The following MLPH variants were observed in gnomAD, a reference collection of about 807,000 sequenced individuals.
MLPH encodes the protein exophilin-3.
MLPH carries 51 observed loss-of-function variants against 72.1 expected under a neutral mutation model. The ratio of observed to expected loss-of-function variants is 0.71; its 90% CI spans 0.56 to 0.89. The LOEUF (loss-of-function observed/expected upper bound fraction) is 0.89, where lower values mean the gene tolerates loss of function less well. Among genes scored for constraint, MLPH ranks in the 40% least tolerant of loss-of-function variants. MLPH has a pLI of 0.00. For synonymous variants in MLPH, 301 were observed against 310.1 expected (o/e 0.97, Z 0.31); for missense variants, 743 against 759.9 (o/e 0.98, Z 0.26).
chr2:237,545,226 GGTGAGTGGGGC>G (rs1369914128), intron 12 of MLPH, among the ~76,000 whole-genome samples: 18 of 145,886 alleles, frequency 1.2e-4, no homozygotes, highest in African/African-American at 4.6e-4. Flanking sequence ...TGGGGACAGT[GGTGAGTGGGGC>G]ACAGTGGTGA....
At chr2:237,492,816 A>T (rs1261574710) in intron 1 of MLPH, among the ~76,000 whole-genome samples, 1 of 152,200 alleles carries the variant, frequency 6.6e-6, no homozygotes, top group Non-Finnish European at 1.5e-5. Flanking sequence ...CGCCCAGAGG[A>T]TGGTGAAACC....
intron 4 of MLPH, among the ~76,000 whole-genome samples, chr2:237,516,830 A>AGGATGGATGGAT (rs201705751): frequency 8.7e-6 from 1 of 115,180 alleles, no homozygotes; most frequent in Non-Finnish European, 1.9e-5. Context: ...GATGGATGGT[A>AGGATGGATGGAT]GGATGGATGG....
intron 13 of MLPH, among the ~76,000 whole-genome samples, chr2:237,547,258 G>A (rs1677365295): frequency 6.6e-6 from 1 of 152,276 alleles, no homozygotes; most frequent in South Asian, 2.1e-4. Flanking sequence ...AAATGGCACA[G>A]GGACTCGGGG....
intron 9 of MLPH, among the ~76,000 whole-genome samples, chr2:237,537,024 GGCC>G (rs2080545954): frequency 6.6e-6 from 1 of 152,248 alleles, no homozygotes; most frequent in African/African-American, 2.4e-5. Context: ...CTCGCGGAAT[GGCC>G]CTCTGGGCCA....
At chr2:237,507,056 T>C (rs2079790062) in intron 2 of MLPH, among the ~76,000 whole-genome samples, 1 of 142,658 alleles carries the variant, frequency 7.0e-6, no homozygotes, top group Non-Finnish European at 1.5e-5. Flanking sequence ...TTTTTCTTTT[T>C]TTTTTCTTTT....
At chr2:237,493,651 A>G in intron 2 of MLPH, 115 bp downstream of exon 2, 2 of 764,090 alleles carry the variant, frequency 2.6e-6, no homozygotes, top group South Asian at 2.8e-5. Flanking sequence ...AGAGTGATGG[A>G]CAGGAAGCCA....
chr2:237,514,206 G>T (rs943262703), intron 4 of MLPH, among the ~76,000 whole-genome samples: 1 of 152,052 alleles, frequency 6.6e-6, no homozygotes, highest in African/African-American at 2.4e-5. Context: ...ATGCTCTCTG[G>T]AGTGAGGGTC....
rs533542205 is a variant in MLPH at position 237,505,482 on chromosome 2, C to T, written c.111-5092C>T. Among the ~76,000 whole-genome samples the T allele has an allele frequency of 3.3e-5, 5 of 152,302 alleles. No individual in the cohort carries two copies. In the South Asian group the frequency reaches 1.0e-3, roughly 32 times the overall value. On this transcript the variant is annotated intron_variant, in intron 2 of 15. Transcript: ENST00000264605. The surrounding 1 kb of genome is among the most constrained non-coding windows in gnomAD (Gnocchi z 4.5). ...AGGACCCCTCATGCAGGCTCTTCCC[C>T]CGCCTGTGTGCTGGACCTTGGGGAT...
chr2:237,523,449 C>A (rs2080232965), intron 6 of MLPH, among the ~76,000 whole-genome samples: 1 of 152,138 alleles, frequency 6.6e-6, no homozygotes, highest in Non-Finnish European at 1.5e-5. Context: ...CCTTTAAAAG[C>A]TGAGAAAGCC....
Position 237,510,582 on chromosome 2 carries a change from A to C in MLPH, c.119A>C (p.Lys40Thr). The C allele has an allele frequency of 1.2e-6, 2 of 1,613,206 alleles. No individual in the cohort carries two copies. Among genetic ancestry groups the C allele is most frequent in the Non-Finnish European group, 8.5e-7 (1 of 1,180,030 alleles). The change falls in exon 3 of 16, where the codon AAG becomes ACG. Residue 40 changes from lysine to threonine, a missense_variant. Physicochemically the swap from Lys to Thr is moderately conservative, Grantham distance 78 (BLOSUM62 -1). Transcript: ENST00000264605. This position sits in a 1 kb window ranked among gnomAD's most constrained non-coding sequence, Gnocchi z 4.4. Reference sequence around the variant, plus strand: ...TCTGATATTTTCCCAAGGGCGTTGAAGGGCAAGATTAAGAAGGAAAGCTCC... The same window carrying C: ...TCTGATATTTTCCCAAGGGCGTTGACGGGCAAGATTAAGAAGGAAAGCTCC... ...RKEEERLEAL[K>T]GKIKKESSKR...
In MLPH at chr2:237,527,369, C is replaced by T. The variant is rs1019575559; in HGVS notation, c.881-8C>T. The T allele has an allele frequency of 6.2e-7, 1 of 1,614,190 alleles. No individual in the cohort carries two copies. Among genetic ancestry groups the T allele is most frequent in the Non-Finnish European group, 8.5e-7 (1 of 1,180,042 alleles). ...TGCAAGTAATTCAAACCCACTCTCG[C>T]TCTGAAGGGTCGAATGTCATCAGGA... On this transcript the variant is annotated splice_region_variant and splice_polypyrimidine_tract_variant and intron_variant, in intron 7 of 15. Coordinates refer to ENST00000264605, the MANE Select transcript of MLPH (RefSeq NM_024101.7).
chr2:237,510,017 C>G lies in MLPH; in HGVS notation c.111-557C>G, dbSNP rs1033991049. 2 of 166,568 alleles carry G rather than the reference C, an allele frequency of 1.2e-5. No homozygotes were observed. Among genetic ancestry groups the G allele is most frequent in the Admixed American group, 1.1e-4 (2 of 18,126 alleles). The allele number at this position is 166,568 out of a possible 1,614,324, so 10.3% of individuals were successfully genotyped here. On this transcript the variant is annotated intron_variant, in intron 2 of 15. Coordinates refer to ENST00000264605, the MANE Select transcript of MLPH (RefSeq NM_024101.7). This position sits in a 1 kb window ranked among gnomAD's most constrained non-coding sequence, Gnocchi z 4.4. Reference sequence around the variant, plus strand: ...ACACTTTCCAATCAGTTCAACTTGGCAGGTTCACCAGGAAGCTGTGTTATT... The same window carrying G: ...ACACTTTCCAATCAGTTCAACTTGGGAGGTTCACCAGGAAGCTGTGTTATT...
chr2:237,499,523 G>C (rs567519843), intron 2 of MLPH, among the ~76,000 whole-genome samples: 1 of 152,196 alleles, frequency 6.6e-6, no homozygotes, highest in South Asian at 2.1e-4. Context: ...GTCATCATAA[G>C]GAGAGAATCA....
In MLPH at chr2:237,552,249, C is replaced by T. The variant is rs760107117; in HGVS notation, c.1676-88C>T. The T allele has an allele frequency of 6.7e-5, 71 of 1,062,270 alleles. No individual in the cohort carries two copies. The African/African-American group carries it at 7.1e-4, about 11-fold the overall frequency. The allele number at this position is 1,062,270 out of a possible 1,614,324, so 65.8% of individuals were successfully genotyped here. On this transcript the variant is annotated intron_variant, in intron 14 of 15. Coordinates refer to ENST00000264605, the MANE Select transcript of MLPH (RefSeq NM_024101.7). ...AGGGGATATGTCCATTTTTTTCTAC[C>T]TTTTAAATTTCTGAGGAGGCCAAGG...
chr2:237,500,438 A>T (rs2079622709), intron 2 of MLPH, among the ~76,000 whole-genome samples: 1 of 152,334 alleles, frequency 6.6e-6, no homozygotes, highest in South Asian at 2.1e-4. Context: ...GGGGAAAAAA[A>T]GTTTTAATCG....
Position 237,493,539 on chromosome 2 carries a change from G to T in MLPH, c.110+3G>T, listed in dbSNP as rs1284977442. 3 of 1,611,230 alleles carry T rather than the reference G, an allele frequency of 1.9e-6. No homozygotes were observed. The highest frequency in any genetic ancestry group is 1.3e-5 in the African/African-American group (1 of 74,868). On this transcript the variant is annotated splice_donor_region_variant and intron_variant, in intron 2 of 15. Transcript: ENST00000264605. ...AGGAAAGAAGAGGAACGGCTAGAGT[G>T]AGTGTGCCGTGCTGAGCCCACGGAG... is the stretch of plus-strand genomic sequence containing the variant.
rs143598060 is a variant in MLPH, at chr2:237,500,635, T to A, written c.110+7099T>A. 5.3e-3 allele frequency among the ~76,000 whole-genome samples: 807 copies of A among 152,232 alleles called. 8 individuals carry two copies. Among genetic ancestry groups the A allele is most frequent in the East Asian group, 0.04 (205 of 5,178 alleles). On this transcript the variant is annotated intron_variant, in intron 2 of 15. Coordinates refer to ENST00000264605, the MANE Select transcript of MLPH (RefSeq NM_024101.7). ...CGACACTGCGGCCAAAGTGTTCCACTGACATCTCTGTCCCAGCATGTCCAA... is the reference window on the plus strand; with the variant it reads ...CGACACTGCGGCCAAAGTGTTCCACAGACATCTCTGTCCCAGCATGTCCAA...
Position 237,523,252 on chromosome 2 carries a change from G to A in MLPH, c.676-2349G>A, listed in dbSNP as rs561959809. On this transcript the variant is annotated intron_variant, in intron 6 of 15. Transcript: ENST00000264605. The stretch of plus-strand genomic sequence containing the variant: ...TGTAGGGATGACTGTAATGATGAAG[G>A]CACATGCGATAGATGTTTTTATGTA... Among the ~76,000 whole-genome samples, 250 of 152,276 alleles carry A rather than the reference G, an allele frequency of 1.6e-3. 1 individual carries two copies. Among genetic ancestry groups the A allele is most frequent in the African/African-American group, 5.8e-3 (239 of 41,554 alleles).
At chr2:237,548,208 C>T (rs2080958803) in intron 13 of MLPH, among the ~76,000 whole-genome samples, 1 of 152,224 alleles carries the variant, frequency 6.6e-6, no homozygotes, top group African/African-American at 2.4e-5. Flanking sequence ...CACCCACACT[C>T]TTCTCTGGTG....
Sources: allele counts gnomAD v4.1 joint callset (sites outside exome capture counted in the v4.1 genomes callset), GRCh38; gene constraint gnomAD v4.1.1; non-coding constraint Gnocchi (gnomAD v3.1); transcripts MANE v1.5; gene names NCBI Gene and HGNC (gene_info 2026-07-23, HGNC 2026-07-21).